SH3GL3: variants seen among roughly 807,000 people sequenced by gnomAD.
SH3GL3 encodes endophilin-A3.
In SH3GL3, 33 loss-of-function variants were observed where a neutral mutation model predicts 47.7. The observed-to-expected ratio is 0.69, with a 90% CI of 0.52 to 0.92. The LOEUF is 0.92. Ranked by LOEUF, SH3GL3 falls within the 40% of genes least tolerant of loss-of-function variation. The pLI is 0.00. For synonymous variants in SH3GL3, 155 were observed against 148.8 expected, an observed-to-expected ratio of 1.04 and a Z score of -0.30; for missense variants, 363 against 417.8, an observed-to-expected ratio of 0.87 and a Z score of 1.14.
chr15:83,609,941 C>T (rs1037756967), intron 8 of SH3GL3, among the ~76,000 whole-genome samples: 1 of 152,172 alleles, frequency 6.6e-6, no homozygotes, highest in Non-Finnish European at 1.5e-5. Context: ...TCTAATCCAC[C>T]ACCTGGAGTG....
At chr15:83,509,848 C>T (rs1184473363) in intron 1 of SH3GL3, among the ~76,000 whole-genome samples, 1 of 152,168 alleles carries the variant, frequency 6.6e-6, no homozygotes, top group Non-Finnish European at 1.5e-5. Flanking sequence ...CCACCAGTTT[C>T]ACAAAGCCTA....
At chr15:83,465,332 A>C (rs952341549) in intron 1 of SH3GL3, among the ~76,000 whole-genome samples, 1 of 151,912 alleles carries the variant, frequency 6.6e-6, no homozygotes, top group African/African-American at 2.4e-5. Flanking sequence ...TAAATAAAAA[A>C]GTAAAAAATA....
Position 83,581,152 on chromosome 15 carries a change from G to C in SH3GL3, c.624+4411G>C, listed in dbSNP as rs1416724592. On this transcript the variant is annotated intron_variant, in intron 6 of 8. Transcript: ENST00000427482. The stretch of plus-strand genomic sequence containing the variant: ...ACCGGGGAATGCCTCAAAAGAAACT[G>C]TTTGCCAAAACTCTGACTGATGTGA... Among the ~76,000 whole-genome samples the C allele has an allele frequency of 2.0e-5, 3 of 152,230 alleles. No homozygotes were observed. The South Asian group carries it at 6.2e-4, about 32-fold the overall frequency.
intron 1 of SH3GL3, among the ~76,000 whole-genome samples, chr15:83,507,408 TTTA>T: frequency 6.6e-6 from 1 of 150,634 alleles, no homozygotes; most frequent in South Asian, 2.1e-4. Flanking sequence ...TATTCATTCC[TTTA>T]TTATTATTAT....
At chr15:83,460,068 CCCTTCCTTCCTT>C (rs1167747866) in intron 1 of SH3GL3, among the ~76,000 whole-genome samples, 4 of 46,600 alleles carry the variant, frequency 8.6e-5, no homozygotes, top group African/African-American at 3.2e-4. Flanking sequence ...CTCCCTCCCT[CCCTTCCTTCCTT>C]CCTTCCTTCC....
At chr15:83,471,156 G>A in intron 1 of SH3GL3, among the ~76,000 whole-genome samples, 1 of 151,934 alleles carries the variant, frequency 6.6e-6, no homozygotes, top group South Asian at 2.1e-4. Flanking sequence ...ACTTTCTTTA[G>A]CCCTTCTTTT....
chr15:83,485,177 C>CA (rs2041539124), intron 1 of SH3GL3, among the ~76,000 whole-genome samples: 1 of 152,202 alleles, frequency 6.6e-6, no homozygotes, highest in East Asian at 1.9e-4. Flanking sequence ...ATGAACCATG[C>CA]AAACTGAAAT....
chr15:83,537,961 A>G (rs940490049), intron 1 of SH3GL3, among the ~76,000 whole-genome samples: 9 of 152,174 alleles, frequency 5.9e-5, no homozygotes, highest in African/African-American at 2.2e-4. Context: ...TTGGTCCGCC[A>G]TCTTGATTCA....
chr15:83,527,307 A>G (rs1596184326), intron 1 of SH3GL3, among the ~76,000 whole-genome samples: 2 of 152,278 alleles, frequency 1.3e-5, no homozygotes, highest in South Asian at 2.1e-4. Flanking sequence ...TAATGTTGAT[A>G]GTGGGATAAA....
At position 83,481,044 on chromosome 15, in the gene SH3GL3, G is replaced by T. The variant is rs550427213; in HGVS notation, c.45+33466G>T. ...TAATCCCAGCACTTTGGGAGGCCGA[G>T]GCGGGCGGATCACCTGAGGTTAGGA... On this transcript the variant is annotated intron_variant, in intron 1 of 8. Transcript: ENST00000427482. Among the ~76,000 whole-genome samples the T allele has an allele frequency of 2.0e-5, 3 of 152,266 alleles. No individual in the cohort carries two copies. In the East Asian group the frequency reaches 5.8e-4, roughly 29 times the overall value.
chr15:83,511,292 G>T (rs1217302975), intron 1 of SH3GL3, among the ~76,000 whole-genome samples: 1 of 152,176 alleles, frequency 6.6e-6, no homozygotes, highest in Non-Finnish European at 1.5e-5. Context: ...ACAGGCAGAA[G>T]TAGGGCTGGC....
At chr15:83,604,892 A>G (rs2060474795) in intron 8 of SH3GL3, among the ~76,000 whole-genome samples, 1 of 152,192 alleles carries the variant, frequency 6.6e-6, no homozygotes, top group African/African-American at 2.4e-5. Context: ...AGCATTGGGA[A>G]TGATTTATTT....
chr15:83,531,166 T>C (rs2043651707), intron 1 of SH3GL3, among the ~76,000 whole-genome samples: 1 of 152,222 alleles, frequency 6.6e-6, no homozygotes, highest in Non-Finnish European at 1.5e-5. Flanking sequence ...TGCACCATTC[T>C]AGTGCTGAGG....
chr15:83,499,863 G>A (rs748243653), intron 1 of SH3GL3, among the ~76,000 whole-genome samples: 2 of 152,194 alleles, frequency 1.3e-5, no homozygotes, highest in African/African-American at 4.8e-5. Context: ...GCCACAGAAT[G>A]AGGAGATCTG....
chr15:83,499,200 T>C (rs141511594), intron 1 of SH3GL3, among the ~76,000 whole-genome samples: 1 of 152,124 alleles, frequency 6.6e-6, no homozygotes, highest in Admixed American at 6.5e-5. Flanking sequence ...GGTTTTTTAA[T>C]GTCTAAGGCC....
chr15:83,528,630 T>C (rs2043528126), intron 1 of SH3GL3, among the ~76,000 whole-genome samples: 1 of 152,178 alleles, frequency 6.6e-6, no homozygotes, highest in Non-Finnish European at 1.5e-5. Flanking sequence ...ATTGAATTCT[T>C]CAGTTCCAGG....
chr15:83,628,029 T>G, the SH3GL3 span, among the ~76,000 whole-genome samples: 2 of 152,206 alleles, frequency 1.3e-5, no homozygotes, highest in African/African-American at 4.8e-5. Flanking sequence ...CACAACCTCT[T>G]GCTACAGGGA....
chr15:83,496,334 G>C (rs1596108146), intron 1 of SH3GL3, among the ~76,000 whole-genome samples: 2 of 149,576 alleles, frequency 1.3e-5, no homozygotes, highest in Non-Finnish European at 3.0e-5. Flanking sequence ...ACTCCAGCCT[G>C]GGCAACAGAG....
intron 3 of SH3GL3, among the ~76,000 whole-genome samples, chr15:83,568,059 T>C (rs1437771043): frequency 6.6e-6 from 1 of 151,458 alleles, no homozygotes; most frequent in East Asian, 1.9e-4. Context: ...CTTGGCTCAC[T>C]GCAACCTCCG....
Sources: allele counts gnomAD v4.1 joint callset (sites outside exome capture counted in the v4.1 genomes callset), GRCh38; gene constraint gnomAD v4.1.1; transcripts MANE v1.5; gene names NCBI Gene and HGNC (gene_info 2026-07-23, HGNC 2026-07-21).